The following MYO3B variants were observed in gnomAD, a reference collection of about 807,000 sequenced individuals.
MYO3B encodes the protein myosin IIIB.
A neutral mutation model predicts 174.6 loss-of-function variants in MYO3B; 156 were observed. That is an observed-to-expected ratio of 0.89 (90% CI 0.78 to 1.02). The LOEUF (loss-of-function observed/expected upper bound fraction) is 1.02. Ranked by LOEUF, MYO3B falls within the 50% of genes least tolerant of loss-of-function variation. MYO3B has a pLI of 0.00. For synonymous variants in MYO3B, 563 were observed against 569.1 expected (o/e 0.99, Z 0.15); for missense variants, 1,632 against 1,639.4 (o/e 1.00, Z 0.08).
intron 7 of MYO3B, among the ~76,000 whole-genome samples, chr2:170,316,502 C>T (rs995156571): frequency 2.0e-5 from 3 of 152,222 alleles, no homozygotes; most frequent in Admixed American, 2.0e-4. Context: ...GGCAGGAAAT[C>T]TTAGAAGATC....
chr2:170,562,456 A>G (rs1339058765), intron 32 of MYO3B, among the ~76,000 whole-genome samples: 1 of 152,212 alleles, frequency 6.6e-6, no homozygotes, highest in Non-Finnish European at 1.5e-5. Context: ...ATTATGATAT[A>G]GAAAAATAAC....
chr2:170,577,721 A>AT (rs1266036309), intron 32 of MYO3B, among the ~76,000 whole-genome samples: 2 of 152,300 alleles, frequency 1.3e-5, no homozygotes, highest in East Asian at 3.9e-4. Flanking sequence ...ATTTTAGAAG[A>AT]TTCATTTTCC....
At chr2:170,306,675 A>G (rs769369730) in intron 7 of MYO3B, among the ~76,000 whole-genome samples, 1 of 138,798 alleles carries the variant, frequency 7.2e-6, no homozygotes, top group Non-Finnish European at 1.5e-5. Flanking sequence ...CAGCGTGTCC[A>G]TCCCCACGTC....
rs1046022443 is a variant in MYO3B at position 170,178,355 on chromosome 2, G to A, written c.2+66G>A. 28 of 1,608,166 alleles carry A rather than the reference G, an allele frequency of 1.7e-5. No individual in the cohort carries two copies. The African/African-American group carries it at 3.1e-4, about 18-fold the overall frequency. Reference sequence around the variant, plus strand: ...TGCTTTAGATTGTTTTTCTGCAAAGGGCAGATGCAGCTGCCCTGGCTGGTG... The same window carrying A: ...TGCTTTAGATTGTTTTTCTGCAAAGAGCAGATGCAGCTGCCCTGGCTGGTG... On this transcript the variant is annotated intron_variant, in intron 1 of 34. Coordinates refer to ENST00000408978, the MANE Select transcript of MYO3B (RefSeq NM_138995.5).
intron 32 of MYO3B, among the ~76,000 whole-genome samples, chr2:170,632,992 C>T (rs1204387332): frequency 6.6e-6 from 1 of 152,114 alleles, no homozygotes; most frequent in Admixed American, 6.5e-5. Context: ...GCCTACCAAC[C>T]AAAAAAAGTC....
intron 32 of MYO3B, among the ~76,000 whole-genome samples, chr2:170,649,242 T>TTATATATAAAATAATATATAA (rs1698747736): frequency 2.2e-5 from 1 of 44,450 alleles, no homozygotes; most frequent in African/African-American, 1.1e-4. Context: ...ATAATATATA[T>TTATATATAAAATAATATATAA]TATATATAAA....
chr2:170,651,503 G>T, intron 32 of MYO3B, 125 bp from the exon 33 acceptor site: 2 of 715,770 alleles, frequency 2.8e-6, no homozygotes, highest in Non-Finnish European at 2.4e-6. Context: ...TATTAGTAAA[G>T]CTTTTAATAT....
intron 23 of MYO3B, among the ~76,000 whole-genome samples, chr2:170,454,995 G>T (rs1025440457): frequency 4.6e-5 from 7 of 152,198 alleles, no homozygotes; most frequent in African/African-American, 1.7e-4. Context: ...AGTTTATTGA[G>T]CTGGGTGGTG....
chr2:170,407,664 A>G (rs1434619658), intron 21 of MYO3B, 51 bp from the exon 22 acceptor site: 1 of 1,608,278 alleles, frequency 6.2e-7, no homozygotes, highest in Non-Finnish European at 8.5e-7. Flanking sequence ...CAGTGTCACC[A>G]ATGACGGACA....
intron 25 of MYO3B, among the ~76,000 whole-genome samples, chr2:170,490,974 T>TC (rs1686429268): frequency 6.6e-6 from 1 of 152,170 alleles, no homozygotes; most frequent in Non-Finnish European, 1.5e-5. Context: ...TCTGTATGGA[T>TC]AGAGGCTTAC....
rs191481213 is a variant in MYO3B, at chr2:170,563,552, G to A, written c.3733+19564G>A. The stretch of plus-strand genomic sequence containing the variant: ...TCTCTATTGGCCAAACCACTGAGAA[G>A]CCAGACTAGTCTATACAGGTCAGTA... On this transcript the variant is annotated intron_variant, in intron 32 of 34. Transcript: ENST00000408978. Among the ~76,000 whole-genome samples the A allele has an allele frequency of 4.0e-4, 61 of 152,252 alleles. 1 individual carries two copies. Among genetic ancestry groups the A allele is most frequent in the Middle Eastern group, 6.8e-3 (2 of 294 alleles).
chr2:170,299,272 G>A (rs1295624235), intron 7 of MYO3B, among the ~76,000 whole-genome samples: 1 of 152,164 alleles, frequency 6.6e-6, no homozygotes, highest in Non-Finnish European at 1.5e-5. Context: ...GAGAGACAGA[G>A]TGGTAAATAA....
chr2:170,535,066 T>C (rs1053320074), intron 30 of MYO3B, among the ~76,000 whole-genome samples: 1 of 152,214 alleles, frequency 6.6e-6, no homozygotes, highest in South Asian at 2.1e-4. Context: ...TTAACTTTCC[T>C]CTTTGGCACT....
intron 9 of MYO3B, among the ~76,000 whole-genome samples, chr2:170,374,024 A>G (rs1392259714): frequency 6.6e-6 from 1 of 152,204 alleles, no homozygotes; most frequent in Non-Finnish European, 1.5e-5. Context: ...AGTGAAGTTA[A>G]TCAGTGTCTA....
chr2:170,392,003 T>A (rs923591515), intron 15 of MYO3B, among the ~76,000 whole-genome samples: 2 of 151,272 alleles, frequency 1.3e-5, no homozygotes, highest in Non-Finnish European at 2.9e-5. Context: ...ATTTTTTTTT[T>A]AATTAGCTAC....
chr2:170,423,725 C>T (rs1335483763), intron 22 of MYO3B, among the ~76,000 whole-genome samples: 1 of 151,676 alleles, frequency 6.6e-6, no homozygotes, highest in South Asian at 2.1e-4. Flanking sequence ...GGACTACAGG[C>T]GTGCACCACC....
intron 3 of MYO3B, among the ~76,000 whole-genome samples, chr2:170,200,763 G>C (rs959944579): frequency 1.3e-5 from 2 of 152,100 alleles, no homozygotes; most frequent in African/African-American, 4.8e-5. Flanking sequence ...GGTAGACCTA[G>C]AAAAAAGTGA....
At chr2:170,478,354 G>A (rs1245163404) in intron 25 of MYO3B, among the ~76,000 whole-genome samples, 1 of 152,098 alleles carries the variant, frequency 6.6e-6, no homozygotes, top group African/African-American at 2.4e-5. Flanking sequence ...AATACGGGAT[G>A]AATGAATATT....
At chr2:170,197,236 A>C (rs2092611307) in intron 1 of MYO3B, among the ~76,000 whole-genome samples, 1 of 152,132 alleles carries the variant, frequency 6.6e-6, no homozygotes, top group Non-Finnish European at 1.5e-5. Context: ...TCAAGCTTTC[A>C]AGGAGATTGA....
Sources: allele counts gnomAD v4.1 joint callset (sites outside exome capture counted in the v4.1 genomes callset), GRCh38; gene constraint gnomAD v4.1.1; transcripts MANE v1.5; gene names NCBI Gene and HGNC (gene_info 2026-07-23, HGNC 2026-07-21).